ZNF112: variants seen among roughly 807,000 people sequenced by gnomAD.
ZNF112 encodes the protein zinc finger protein 112, also known as zinc finger protein 112 (Y14).
Under a neutral mutation model 77.7 loss-of-function variants are expected in ZNF112, and 37 were observed. That is an observed-to-expected ratio of 0.48 (90% CI 0.37 to 0.63). The LOEUF is 0.63. ZNF112 is among the 20% of genes least tolerant of loss of function. The pLI is 0.00. For synonymous variants in ZNF112, 333 were observed against 363.6 expected (o/e 0.92, Z 0.96); for missense variants, 950 against 1,077.4 (o/e 0.88, Z 1.66).
chr19:44,346,021 C>T (rs1970582549), intron 1 of ZNF112, among the ~76,000 whole-genome samples: 1 of 152,226 alleles, frequency 6.6e-6, no homozygotes, highest in Admixed American at 6.5e-5. Context: ...AAACAAGCCA[C>T]AGGCAATTTG....
Position 44,329,019 on chromosome 19 carries a change from G to T in ZNF112, c.1138C>A (p.Pro380Thr). The part of the protein sequence containing the change: ...SIFRVHTRDE[P>T]HEYEENENVF... ...TTCTCATTTTCCTCATATTCATGGGGTTCATCCCTAGTATGGACCCTAAAA... is the reference window on the plus strand; with the variant it reads ...TTCTCATTTTCCTCATATTCATGGGTTTCATCCCTAGTATGGACCCTAAAA... Residue 380 changes from proline to threonine, a missense_variant, in exon 4 of 4, where the codon CCC (proline) becomes ACC (threonine). Around this residue, in one of 3 missense-constraint regions of ZNF112, gnomAD observed 560 missense variants for 557.3 expected, o/e 1.00. Coordinates refer to ENST00000354340, the MANE Select transcript of ZNF112 (RefSeq NM_013380.4). 6.2e-7 allele frequency: 1 copy of T among 1,613,878 alleles called. No individual in the cohort carries two copies. The highest frequency in any genetic ancestry group is 8.5e-7 in the Non-Finnish European group (1 of 1,179,948).
chr19:44,362,970 TA>T (rs1169132972), intron 1 of ZNF112, among the ~76,000 whole-genome samples: 1 of 152,016 alleles, frequency 6.6e-6, no homozygotes, highest in African/African-American at 2.4e-5. Context: ...AATATTTTAC[TA>T]AAAAAAATTT....
chr19:44,337,013 G>A (rs1970381673), intron 2 of ZNF112, among the ~76,000 whole-genome samples: 1 of 151,402 alleles, frequency 6.6e-6, no homozygotes, highest in Admixed American at 6.6e-5. Flanking sequence ...GAGTAGCCGG[G>A]ACCATGGGTG....
In ZNF112 at chr19:44,329,884, G is replaced by A; in HGVS notation, c.273C>T (p.Tyr91=). The A allele has an allele frequency of 6.2e-7, 1 of 1,613,960 alleles. No individual in the cohort carries two copies. The highest frequency in any genetic ancestry group is 8.5e-7 in the Non-Finnish European group (1 of 1,179,962). The change falls in exon 4 of 4, where the codon TAC becomes TAT. Residue 91 remains tyrosine, a synonymous_variant. Transcript: ENST00000354340. The part of the protein sequence containing the change: ...MESIQEVTVS[Y]FSPKELSSRQ... The stretch of plus-strand genomic sequence containing the variant: ...GGGAGGAAAGCTCTTTGGGGGAAAA[G>A]TAGCTTACTGTTACTTCCTGAATAC...
At chr19:44,352,586 C>T (rs1041522280) in intron 1 of ZNF112, among the ~76,000 whole-genome samples, 1 of 152,022 alleles carries the variant, frequency 6.6e-6, no homozygotes, top group Non-Finnish European at 1.5e-5. Flanking sequence ...CAACATGTGT[C>T]TCTGTGGAAA....
chr19:44,355,811 C>G (rs1424937888), intron 1 of ZNF112, among the ~76,000 whole-genome samples: 5 of 152,198 alleles, frequency 3.3e-5, no homozygotes, highest in African/African-American at 1.2e-4. Flanking sequence ...ATTTATTGAA[C>G]AAATATCAGC....
chr19:44,363,885 T>C (rs10404357), intron 1 of ZNF112, among the ~76,000 whole-genome samples: 4,265 of 152,276 alleles, frequency 0.028, 191 homozygotes, highest in African/African-American at 0.091. Context: ...TCTGATTGTT[T>C]TGAATCCTAA....
intron 3 of ZNF112, among the ~76,000 whole-genome samples, chr19:44,332,172 G>A (rs1970282062): frequency 6.6e-6 from 1 of 152,068 alleles, no homozygotes; most frequent in Admixed American, 6.6e-5. Context: ...TCCAGCCTGG[G>A]CAGCATGGCA....
intron 1 of ZNF112, among the ~76,000 whole-genome samples, chr19:44,346,191 C>T (rs1036422637): frequency 6.6e-6 from 1 of 152,202 alleles, no homozygotes; most frequent in African/African-American, 2.4e-5. Flanking sequence ...GCCCAGGCTA[C>T]AGAATCAAGC....
intron 1 of ZNF112, among the ~76,000 whole-genome samples, chr19:44,363,324 T>C (rs530713759): frequency 6.6e-6 from 1 of 152,312 alleles, no homozygotes; most frequent in East Asian, 1.9e-4. Context: ...TAGTCACCCA[T>C]ATATTCTCAG....
In ZNF112 at chr19:44,363,542, C is replaced by T. The variant is rs148363304; in HGVS notation, c.17+3539G>A. Among the ~76,000 whole-genome samples, 475 of 152,226 alleles carry T rather than the reference C, an allele frequency of 3.1e-3. 2 individuals are homozygous for T. The highest frequency in any genetic ancestry group is 6.1e-3 in the African/African-American group (253 of 41,560). ...AGAATATGAAATATATGGAACCATACGGTAAGAACTCTTCTGTATTACAAT... is the reference window on the plus strand; with the variant it reads ...AGAATATGAAATATATGGAACCATATGGTAAGAACTCTTCTGTATTACAAT... On this transcript the variant is annotated intron_variant, in intron 1 of 4. Transcript: ENST00000588057.
intron 1 of ZNF112, among the ~76,000 whole-genome samples, chr19:44,354,305 T>C (rs1482680593): frequency 6.6e-6 from 1 of 152,148 alleles, no homozygotes; most frequent in Non-Finnish European, 1.5e-5. Flanking sequence ...ATACAAACTA[T>C]GCCTGTGTTG....
chr19:44,346,923 A>C (rs537858597), intron 1 of ZNF112, among the ~76,000 whole-genome samples: 1 of 152,232 alleles, frequency 6.6e-6, no homozygotes, highest in Non-Finnish European at 1.5e-5. Flanking sequence ...AGAGTGCTCT[A>C]CAAATGTCAA....
intron 1 of ZNF112, among the ~76,000 whole-genome samples, chr19:44,351,548 C>T (rs1487060204): frequency 2.0e-5 from 3 of 152,044 alleles, no homozygotes; most frequent in Non-Finnish European, 4.4e-5. Flanking sequence ...CAAGGAATAG[C>T]AACCTTGAAC....
chr19:44,359,644 C>G (rs1282505824), upstream of ZNF112, among the ~76,000 whole-genome samples: 1 of 152,192 alleles, frequency 6.6e-6, no homozygotes, highest in African/African-American at 2.4e-5. Flanking sequence ...TCTGCTCTTT[C>G]AGAAATCTAG....
intron 1 of ZNF112, among the ~76,000 whole-genome samples, chr19:44,366,798 TA>T (rs549078679): frequency 8.2e-4 from 120 of 146,308 alleles, no homozygotes; most frequent in African/African-American, 7.5e-4. Flanking sequence ...CTCGGGAAAT[TA>T]AAAAAAAAAA....
At chr19:44,338,198 C>A (rs1394339813) in intron 2 of ZNF112, among the ~76,000 whole-genome samples, 2 of 151,954 alleles carry the variant, frequency 1.3e-5, no homozygotes, top group Non-Finnish European at 2.9e-5. Context: ...TTTCACAAAT[C>A]CCTACAAATA....
chr19:44,357,218 C>T (rs977796256), upstream of ZNF112, among the ~76,000 whole-genome samples: 3 of 152,122 alleles, frequency 2.0e-5, no homozygotes, highest in African/African-American at 7.2e-5. Context: ...TTTCTTCAAA[C>T]GCGACACAAA....
chr19:44,335,202 G>C (rs1170724673), intron 3 of ZNF112, among the ~76,000 whole-genome samples: 1 of 152,238 alleles, frequency 6.6e-6, no homozygotes, highest in African/African-American at 2.4e-5. Context: ...TGACTGCCCT[G>C]CTGGGTTTCA....
Sources: gnomAD v4.1 joint callset for allele counts (sites outside exome capture counted in the v4.1 genomes callset) on GRCh38, gnomAD v4.1.1 for gene constraint, gnomAD v4.1.1 regional missense constraint, MANE v1.5 for transcripts, NCBI Gene and HGNC (gene_info 2026-07-23, HGNC 2026-07-21) for gene names.